The following ZNF462 variants were observed in gnomAD, a reference collection of about 807,000 sequenced individuals.
ZNF462 encodes the protein zinc finger PBX1-interacting protein.
In ZNF462, 10 loss-of-function variants were observed where a neutral mutation model predicts 201.9. The ratio of observed to expected loss-of-function variants is 0.05; its 90% CI spans 0.03 to 0.08. The LOEUF is 0.08. ZNF462 is among the 10% of genes least tolerant of loss of function. The pLI, the probability that ZNF462 is intolerant of heterozygous loss-of-function variation, is 1.00. For synonymous variants in ZNF462, 1,227 were observed against 1,193.3 expected, an observed-to-expected ratio of 1.03 and a Z score of -0.58; for missense variants, 2,523 against 3,168.3, an observed-to-expected ratio of 0.80 and a Z score of 4.89.
chr9:106,867,445 A>T lies in ZNF462; in HGVS notation c.-31+4090A>T, dbSNP rs528118492. ...CTATGATGCATCCTGCCATAAAAAA[A>T]TTCTTGTTGGATCCTCACATTGCAT... On this transcript the variant is annotated intron_variant, in intron 1 of 12. Coordinates refer to ENST00000277225, the MANE Select transcript of ZNF462 (RefSeq NM_021224.6). Among the ~76,000 whole-genome samples, 356 of 152,316 alleles carry T rather than the reference A, an allele frequency of 2.3e-3. 7 individuals carry two copies. In the South Asian group the frequency reaches 0.043, roughly 19 times the overall value.
intron 10 of ZNF462, among the ~76,000 whole-genome samples, chr9:106,985,282 T>G (rs1827748548): frequency 6.6e-6 from 1 of 152,176 alleles, no homozygotes; most frequent in African/African-American, 2.4e-5. Flanking sequence ...CTACAAAGAT[T>G]TGTCAAGGCA....
Position 106,935,385 on chromosome 9 carries a change from T to C in ZNF462, c.6117-118T>C. The C allele has an allele frequency of 2.7e-6, 2 of 744,876 alleles. No individual in the cohort carries two copies. The highest frequency in any genetic ancestry group is 4.4e-6 in the Non-Finnish European group (2 of 453,592). 46.1% of individuals were successfully genotyped at this position (744,876 alleles called of 1,614,324 possible). On this transcript the variant is annotated intron_variant, in intron 5 of 12. Coordinates refer to ENST00000277225, the MANE Select transcript of ZNF462 (RefSeq NM_021224.6). This position sits in a 1 kb window ranked among gnomAD's most constrained non-coding sequence, Gnocchi z 4.1. ...ATTGATAAATGCCATTATTGGAAAG[T>C]AAACAAAAGGACTTTGAACGACCTA...
rs779561424 is a variant in ZNF462, at chr9:106,924,794, C to A, written c.882C>A (p.Pro294=). The part of the protein sequence containing the change: ...NLPDVPNKSA[P]SPTSNSTYLT... ...CTGATGTGCCGAACAAGAGTGCCCC[C>A]AGCCCCACTTCCAACTCCACCTATC... The change falls in exon 3 of 13, where the codon CCC becomes CCA. Residue 294 remains proline, a synonymous_variant. Coordinates refer to ENST00000277225, the MANE Select transcript of ZNF462 (RefSeq NM_021224.6). This position sits in a 1 kb window ranked among gnomAD's most constrained non-coding sequence, Gnocchi z 6.2. The A allele has an allele frequency of 1.2e-6, 2 of 1,614,072 alleles. No individual in the cohort carries two copies. Among genetic ancestry groups the A allele is most frequent in the African/African-American group, 2.7e-5 (2 of 74,922 alleles).
intron 8 of ZNF462, among the ~76,000 whole-genome samples, chr9:106,973,657 A>C (rs1826765244): frequency 6.6e-6 from 1 of 152,126 alleles, no homozygotes; most frequent in Non-Finnish European, 1.5e-5. Flanking sequence ...AGCTGGTACA[A>C]CACCACTTAG....
At chr9:106,994,134 G>A (rs1287341996) in intron 10 of ZNF462, among the ~76,000 whole-genome samples, 7 of 152,022 alleles carry the variant, frequency 4.6e-5, no homozygotes, top group Non-Finnish European at 8.8e-5. Flanking sequence ...ATTAAATTTA[G>A]AAGGATAGTC....
chr9:106,869,005 G>GA (rs35732407), intron 1 of ZNF462, among the ~76,000 whole-genome samples: 11,625 of 152,216 alleles, frequency 0.076, 515 homozygotes, highest in South Asian at 0.14. Context: ...GTTTGTAGCT[G>GA]TACTTTTCTT....
At chr9:106,973,998 A>T (rs1252071445) in intron 8 of ZNF462, 139 bp from the exon 9 acceptor site, 21 of 1,145,136 alleles carry the variant, frequency 1.8e-5, no homozygotes, top group Admixed American at 8.2e-5. Context: ...GTCAACAAAC[A>T]TGATGAACAG....
rs1354051602 is a variant in ZNF462, at chr9:107,006,853, T to C, written c.7190-2692T>C. Among the ~76,000 whole-genome samples, 3 of 152,126 alleles carry C rather than the reference T, an allele frequency of 2.0e-5. No homozygotes were observed. The highest frequency in any genetic ancestry group is 1.5e-5 in the Non-Finnish European group (1 of 68,008). On this transcript the variant is annotated intron_variant, in intron 11 of 12. Transcript: ENST00000277225. This position sits in a 1 kb window ranked among gnomAD's most constrained non-coding sequence, Gnocchi z 4.3. Reference sequence around the variant, plus strand: ...ATGGACAAATAAAACATCCTTACCATATAGGTTGATTGTTCTTATAAAGTT... The same window carrying C: ...ATGGACAAATAAAACATCCTTACCACATAGGTTGATTGTTCTTATAAAGTT...
chr9:106,919,251 G>A lies in ZNF462; in HGVS notation c.-30-4103G>A, dbSNP rs1386583069. Reference sequence around the variant, plus strand: ...CCAAGCTGACCTGGACCAAGTGATGGTGGCGGGCCTGTAAGAATGCTGTAC... The same window carrying A: ...CCAAGCTGACCTGGACCAAGTGATGATGGCGGGCCTGTAAGAATGCTGTAC... On this transcript the variant is annotated intron_variant, in intron 1 of 12. Transcript: ENST00000277225. The surrounding 1 kb of genome is among the most constrained non-coding windows in gnomAD (Gnocchi z 4.5). 6.6e-6 allele frequency among the ~76,000 whole-genome samples: 1 copy of A among 152,198 alleles called. No individual in the cohort carries two copies. Among genetic ancestry groups the A allele is most frequent in the East Asian group, 1.9e-4 (1 of 5,190 alleles).
rs1829375308 is a variant in ZNF462, at chr9:107,003,965, T to C, written c.7189+539T>C. Among the ~76,000 whole-genome samples, 1 of 152,174 alleles carries C rather than the reference T, an allele frequency of 6.6e-6. No individual in the cohort carries two copies. The highest frequency in any genetic ancestry group is 2.4e-5 in the African/African-American group (1 of 41,454). ...GAGAGAGAAAGAGAGACCACCTCTT[T>C]CATTCAACTATGTATTTACAGAATA... is the stretch of plus-strand genomic sequence containing the variant. On this transcript the variant is annotated intron_variant, in intron 11 of 12. Coordinates refer to ENST00000277225, the MANE Select transcript of ZNF462 (RefSeq NM_021224.6). This position sits in a 1 kb window ranked among gnomAD's most constrained non-coding sequence, Gnocchi z 4.4.
At position 106,870,832 on chromosome 9, in the gene ZNF462, C is replaced by T. The variant is rs899054881; in HGVS notation, c.-31+7477C>T. ...CGCCACAGAGCCCAGCTGGGGAAGG[C>T]CAAACTCACTCTTAAGTTCTCGTCT... On this transcript the variant is annotated intron_variant, in intron 1 of 12. Transcript: ENST00000277225. The surrounding 1 kb of genome is among the most constrained non-coding windows in gnomAD (Gnocchi z 4.3). 1.3e-5 allele frequency among the ~76,000 whole-genome samples: 2 copies of T among 152,154 alleles called. No individual in the cohort carries two copies. Among genetic ancestry groups the T allele is most frequent in the East Asian group, 1.9e-4 (1 of 5,188 alleles).
intron 1 of ZNF462, among the ~76,000 whole-genome samples, chr9:106,911,687 A>G (rs1237914152): frequency 2.6e-5 from 4 of 152,342 alleles, no homozygotes; most frequent in East Asian, 1.9e-4. Flanking sequence ...AAAACCGTGA[A>G]CAAACATAGA....
intron 9 of ZNF462, among the ~76,000 whole-genome samples, chr9:106,980,232 G>A (rs1177597941): frequency 3.3e-5 from 5 of 152,090 alleles, no homozygotes; most frequent in Non-Finnish European, 5.9e-5. Context: ...GTCTATTTAT[G>A]GCTATGTTTT....
intron 10 of ZNF462, among the ~76,000 whole-genome samples, chr9:106,996,919 G>A (rs182615868): frequency 3.9e-5 from 6 of 152,248 alleles, no homozygotes; most frequent in African/African-American, 1.4e-4. Context: ...TACCCTGGAA[G>A]AGTTTATAAG....
rs1588069051 is a variant in ZNF462, at chr9:106,927,324, C to T, written c.3412C>T (p.Pro1138Ser). 6.2e-7 allele frequency: 1 copy of T among 1,613,780 alleles called. No individual in the cohort carries two copies. Among genetic ancestry groups the T allele is most frequent in the African/African-American group, 1.3e-5 (1 of 74,892 alleles). ...GCTTGTCCACTACCAGAAAAGACAC[C>T]CAGAAATAAAGGTTACTGCCAAATA... Reference protein sequence around the residue: ...GVLVHYQKRHPEIKVTAKYIR... With the variant: ...GVLVHYQKRHSEIKVTAKYIR... The change falls in exon 3 of 13, where the codon CCA (proline) becomes TCA (serine). Residue 1138 changes from proline (P) to serine (S), a missense_variant. By Grantham distance (74) the Pro-to-Ser change is moderately conservative (BLOSUM62 -1). Coordinates refer to ENST00000277225, the MANE Select transcript of ZNF462 (RefSeq NM_021224.6).
At chr9:106,961,457 A>G (rs758547687) in intron 7 of ZNF462, among the ~76,000 whole-genome samples, 12 of 152,126 alleles carry the variant, frequency 7.9e-5, no homozygotes, top group Non-Finnish European at 1.5e-4. Context: ...CTCAGTATCC[A>G]AAGAGAGAGT....
intron 9 of ZNF462, among the ~76,000 whole-genome samples, chr9:106,983,034 T>G (rs750737931): frequency 3.3e-5 from 5 of 152,242 alleles, no homozygotes; most frequent in Non-Finnish European, 5.9e-5. Context: ...TTGTAAACTT[T>G]CTGAGTCTTC....
At chr9:106,894,933 C>G (rs941498512) in intron 1 of ZNF462, among the ~76,000 whole-genome samples, 1 of 152,140 alleles carries the variant, frequency 6.6e-6, no homozygotes, top group South Asian at 2.1e-4. Context: ...GTTAACTACA[C>G]TTGTTTCTAG....
chr9:106,881,780 C>T (rs903976336), intron 1 of ZNF462, among the ~76,000 whole-genome samples: 3 of 152,162 alleles, frequency 2.0e-5, no homozygotes, highest in African/African-American at 7.2e-5. Flanking sequence ...TTTTCAAAGC[C>T]AGTGTGCTCC....
Sources: allele counts gnomAD v4.1 joint callset (sites outside exome capture counted in the v4.1 genomes callset), GRCh38; gene constraint gnomAD v4.1.1; non-coding constraint Gnocchi (gnomAD v3.1); transcripts MANE v1.5; gene names NCBI Gene and HGNC (gene_info 2026-07-23, HGNC 2026-07-21).